KCTD3: variants seen among roughly 807,000 people sequenced by gnomAD.
KCTD3 encodes the protein BTB/POZ domain-containing protein KCTD3.
In KCTD3, 41 loss-of-function variants were observed where a neutral mutation model predicts 85.8. The observed-to-expected ratio is 0.48, with a 90% CI of 0.37 to 0.62. KCTD3 has a LOEUF of 0.62. Ranked by LOEUF, KCTD3 falls within the 20% of genes least tolerant of loss-of-function variation. The pLI is 0.00. For synonymous variants in KCTD3, 338 were observed against 345.4 expected (o/e 0.98, Z 0.24); for missense variants, 724 against 989.9 (o/e 0.73, Z 3.60).
chr1:215,587,508 A>T (rs1660056510), intron 9 of KCTD3, among the ~76,000 whole-genome samples: 1 of 152,224 alleles, frequency 6.6e-6, no homozygotes, highest in Non-Finnish European at 1.5e-5. Flanking sequence ...ATATAGTTAT[A>T]ATAATCCATT....
intron 15 of KCTD3, among the ~76,000 whole-genome samples, chr1:215,617,036 A>G (rs1655483482): frequency 6.6e-6 from 1 of 152,200 alleles, no homozygotes; most frequent in African/African-American, 2.4e-5. Flanking sequence ...AATCATGCCT[A>G]TATAATGGAG....
intron 9 of KCTD3, among the ~76,000 whole-genome samples, chr1:215,589,914 G>T (rs1265847415): frequency 6.6e-6 from 1 of 152,182 alleles, no homozygotes; most frequent in Non-Finnish European, 1.5e-5. Context: ...TCAAGTAGAA[G>T]TCTTTCTGTG....
intron 15 of KCTD3, among the ~76,000 whole-genome samples, chr1:215,615,680 T>G (rs563820626): frequency 6.6e-6 from 1 of 151,942 alleles, no homozygotes; most frequent in Non-Finnish European, 1.5e-5. Context: ...ATGTTTGTTT[T>G]GTGGAAGCAG....
chr1:215,614,031 T>A (rs1215633888), intron 15 of KCTD3, among the ~76,000 whole-genome samples: 1 of 136,256 alleles, frequency 7.3e-6, no homozygotes, highest in East Asian at 2.1e-4. Flanking sequence ...TTTTTTTTTT[T>A]TTTTTTTTTT....
chr1:215,602,297 T>G, intron 12 of KCTD3, 96 bp downstream of exon 12: 1 of 635,728 alleles, frequency 1.6e-6, no homozygotes, highest in Non-Finnish European at 2.8e-6. Flanking sequence ...GTTTATTTCT[T>G]TTTGAGAACT....
intron 9 of KCTD3, among the ~76,000 whole-genome samples, chr1:215,593,881 G>T (rs1044514681): frequency 9.9e-5 from 12 of 121,684 alleles, no homozygotes; most frequent in Admixed American, 1.9e-4. Context: ...TTTTTTTTGA[G>T]ACAGTGTCTT....
rs780253532 is a variant in KCTD3, at chr1:215,620,385, A to C, written c.2215A>C (p.Lys739Gln). ...AATAGCTGAAGGTTTTTCAGAATCC[A>C]AGAAAAGGTCATCAGAAGATGAAAA... ...HKIAEGFSES[K>Q]KRSSEDENEN... The change falls in exon 18 of 18, where the codon AAG (lysine) becomes CAG (glutamine). Residue 739 changes from lysine (K) to glutamine (Q), a missense_variant. Physicochemically the swap from Lys to Gln is moderately conservative, Grantham distance 53. Around this residue, in one of 6 missense-constraint regions of KCTD3, gnomAD observed 222 missense variants for 217.7 expected, o/e 1.02. Transcript: ENST00000259154. 2 of 1,612,986 alleles carry C rather than the reference A, an allele frequency of 1.2e-6. No homozygotes were observed. Among genetic ancestry groups the C allele is most frequent in the Non-Finnish European group, 1.7e-6 (2 of 1,179,606 alleles).
At chr1:215,595,530 ATTTT>A in intron 10 of KCTD3, 59 bp downstream of exon 10, 1 of 956,986 alleles carries the variant, frequency 1.0e-6, no homozygotes, top group Non-Finnish European at 1.6e-6. Context: ...CTGATTATGT[ATTTT>A]TTTTTTCCTT....
rs202083972 is a variant in KCTD3 at position 215,620,646 on chromosome 1, G to A, written c.*28G>A. ...ACTCACCAAAATGAATAGTTGTTTC[G>A]TTACATTTAGATGAAAGTTAAACTT... On this transcript the variant is annotated 3_prime_UTR_variant, in exon 18 of 18. Transcript: ENST00000259154. 242 of 1,444,078 alleles carry A rather than the reference G, an allele frequency of 1.7e-4. No homozygotes were observed. Among genetic ancestry groups the A allele is most frequent in the East Asian group, 3.0e-4 (13 of 43,314 alleles). The allele number at this position is 1,444,078 out of a possible 1,614,324, so 89.5% of individuals were successfully genotyped here.
At chr1:215,573,900 G>T in intron 2 of KCTD3, 61 bp downstream of exon 2, 3 of 1,131,178 alleles carry the variant, frequency 2.7e-6, no homozygotes, top group Non-Finnish European at 2.5e-6. Flanking sequence ...ATATAATAAT[G>T]TTTGTCAGTT....
Position 215,602,070 on chromosome 1 carries a change from A to T in KCTD3, c.1022-15A>T. On this transcript the variant is annotated splice_polypyrimidine_tract_variant and intron_variant, in intron 11 of 17. Coordinates refer to ENST00000259154, the MANE Select transcript of KCTD3 (RefSeq NM_016121.5). ...GCTATTTATTTTAATGCTGTTTAAA[A>T]TTTTTATGTTTTAGATATGCAGAAG... The T allele has an allele frequency of 6.6e-7, 1 of 1,520,742 alleles. No homozygotes were observed. 94.2% of individuals were successfully genotyped at this position (1,520,742 alleles called of 1,614,324 possible). A position where few individuals can be genotyped will look rare whatever the true frequency, so the allele number is the denominator to read the frequency against.
chr1:215,581,846 A>C (rs1222655076), intron 8 of KCTD3, among the ~76,000 whole-genome samples: 2 of 152,282 alleles, frequency 1.3e-5, no homozygotes, highest in African/African-American at 4.8e-5. Flanking sequence ...AAAAATATTT[A>C]AACTGTTTAA....
chr1:215,591,594 A>G (rs1381902652), intron 9 of KCTD3, among the ~76,000 whole-genome samples: 1 of 151,944 alleles, frequency 6.6e-6, no homozygotes, highest in African/African-American at 2.4e-5. Flanking sequence ...TGACCTCGTA[A>G]TCCGCCCGCC....
intron 9 of KCTD3, among the ~76,000 whole-genome samples, chr1:215,594,969 C>T (rs1432919509): frequency 1.3e-5 from 2 of 152,160 alleles, no homozygotes; most frequent in African/African-American, 4.8e-5. Context: ...GCATATAACT[C>T]ACCTATGGAT....
At chr1:215,588,224 C>G (rs1660084440) in intron 9 of KCTD3, among the ~76,000 whole-genome samples, 1 of 152,058 alleles carries the variant, frequency 6.6e-6, no homozygotes, top group Non-Finnish European at 1.5e-5. Flanking sequence ...TCCTGTAGCT[C>G]TTTGCTCCAG....
intron 8 of KCTD3, among the ~76,000 whole-genome samples, chr1:215,585,356 A>C (rs975315986): frequency 9.2e-5 from 14 of 151,740 alleles, no homozygotes; most frequent in Non-Finnish European, 1.9e-4. Flanking sequence ...GGAAATCATT[A>C]GTTCTTCAAA....
intron 9 of KCTD3, among the ~76,000 whole-genome samples, chr1:215,589,767 A>T (rs765925681): frequency 6.6e-6 from 1 of 152,200 alleles, no homozygotes; most frequent in Non-Finnish European, 1.5e-5. Context: ...TGCATGTATC[A>T]GTTGTCTGTT....
intron 14 of KCTD3, among the ~76,000 whole-genome samples, chr1:215,610,510 AAGGGAG>A (rs1655187803): frequency 6.6e-6 from 1 of 151,918 alleles, no homozygotes; most frequent in Non-Finnish European, 1.5e-5. Flanking sequence ...ATGAAGTTCA[AAGGGAG>A]AGAAGATACA....
chr1:215,568,313 A>G lies in KCTD3; in HGVS notation c.83+545A>G, dbSNP rs1031088724. 4.6e-5 allele frequency among the ~76,000 whole-genome samples: 7 copies of G among 152,200 alleles called. No individual in the cohort carries two copies. The East Asian group carries it at 1.4e-3, about 29-fold the overall frequency. On this transcript the variant is annotated intron_variant, in intron 1 of 17. Coordinates refer to ENST00000259154, the MANE Select transcript of KCTD3 (RefSeq NM_016121.5). ...TTGCAGTACCTAGTTATTTATTTTC[A>G]GAATTTCTTGGTGCATGGGCTTGAA...
Sources: allele counts gnomAD v4.1 joint callset (sites outside exome capture counted in the v4.1 genomes callset), GRCh38; gene constraint gnomAD v4.1.1; regional missense constraint gnomAD v4.1.1; transcripts MANE v1.5; gene names NCBI Gene and HGNC (gene_info 2026-07-23, HGNC 2026-07-21).